GNAQ: variants seen among roughly 807,000 people sequenced by gnomAD.
GNAQ encodes G protein subunit alpha q.
In GNAQ, 8 loss-of-function variants were observed where a neutral mutation model predicts 43.9. That is an observed-to-expected ratio of 0.18 (90% confidence interval 0.11 to 0.33). GNAQ has a LOEUF of 0.33. Ranked by LOEUF, GNAQ falls within the 10% of genes least tolerant of loss-of-function variation. The probability of loss-of-function intolerance (pLI) is 1.00; values close to 1 mark genes in which losing one functional copy is unlikely to be tolerated. For synonymous variants in GNAQ, 155 were observed against 170.7 expected, an observed-to-expected ratio of 0.91 and a Z score of 0.71; for missense variants, 158 against 450.8, an observed-to-expected ratio of 0.35 and a Z score of 5.88.
intron 2 of GNAQ, among the ~76,000 whole-genome samples, chr9:77,865,442 A>G (rs1827932196): frequency 1.3e-5 from 2 of 152,250 alleles, no homozygotes; most frequent in South Asian, 4.1e-4. Flanking sequence ...ACTAGGTTAG[A>G]TATCAGCCTT....
At chr9:78,004,770 A>G (rs948179234) in intron 1 of GNAQ, among the ~76,000 whole-genome samples, 7 of 152,066 alleles carry the variant, frequency 4.6e-5, no homozygotes, top group Admixed American at 4.6e-4. Context: ...ACCATTTAAC[A>G]TGGGTTTTGA....
At chr9:77,730,289 T>G (rs1825467789) in intron 5 of GNAQ, among the ~76,000 whole-genome samples, 1 of 152,220 alleles carries the variant, frequency 6.6e-6, no homozygotes, top group Non-Finnish European at 1.5e-5. Flanking sequence ...CTGAATAGAC[T>G]GGCTATGAAC....
chr9:77,726,953 T>C (rs1374817849), intron 6 of GNAQ, among the ~76,000 whole-genome samples: 3 of 152,232 alleles, frequency 2.0e-5, no homozygotes, highest in Non-Finnish European at 4.4e-5. Flanking sequence ...TATCCAATTC[T>C]GCTGTTATGG....
At chr9:77,722,133 TTTC>T (rs1291959253) in intron 6 of GNAQ, among the ~76,000 whole-genome samples, 1 of 151,918 alleles carries the variant, frequency 6.6e-6, no homozygotes, top group African/African-American at 2.4e-5. Flanking sequence ...TGGTTTATAT[TTTC>T]TTTTCTTTTT....
At chr9:77,955,511 T>C (rs1823030856) in intron 1 of GNAQ, among the ~76,000 whole-genome samples, 1 of 152,216 alleles carries the variant, frequency 6.6e-6, no homozygotes, top group African/African-American at 2.4e-5. Context: ...TAAGCACTTT[T>C]TGTACATAAC....
intron 3 of GNAQ, among the ~76,000 whole-genome samples, chr9:77,804,831 T>G (rs968141252): frequency 1.3e-5 from 2 of 152,128 alleles, no homozygotes; most frequent in African/African-American, 4.8e-5. Flanking sequence ...TGGGTAGGTC[T>G]TCACATTTTT....
chr9:77,834,717 T>C (rs1365896785), intron 2 of GNAQ, among the ~76,000 whole-genome samples: 1 of 152,192 alleles, frequency 6.6e-6, no homozygotes, highest in Non-Finnish European at 1.5e-5. Flanking sequence ...AGAAAGGTAG[T>C]GACTTCTGAC....
rs1312444822 is a variant in GNAQ at position 77,900,680 on chromosome 9, A to C, written c.321+21481T>G. Among the ~76,000 whole-genome samples the C allele has an allele frequency of 2.0e-5, 3 of 152,198 alleles. No individual in the cohort carries two copies. In the East Asian group the frequency reaches 5.8e-4, roughly 29 times the overall value. ...AGTATTGGGATTACAGGTGTGTGCT[A>C]CCACACCTGGCTTCTCCATGCAGTT... On this transcript the variant is annotated intron_variant, in intron 2 of 6. Transcript: ENST00000286548.
intron 2 of GNAQ, among the ~76,000 whole-genome samples, chr9:77,894,354 G>T (rs375175150): frequency 5.1e-5 from 2 of 39,304 alleles, no homozygotes; most frequent in Non-Finnish European, 1.2e-4. Flanking sequence ...ATATTTAATA[G>T]AAAATATATA....
intron 1 of GNAQ, among the ~76,000 whole-genome samples, chr9:77,939,173 T>G (rs1829278629): frequency 6.6e-6 from 1 of 152,216 alleles, no homozygotes; most frequent in Admixed American, 6.5e-5. Context: ...GGATATGGAA[T>G]GAGGGGCAAG....
chr9:77,746,836 C>T (rs767392082), intron 5 of GNAQ, among the ~76,000 whole-genome samples: 4 of 152,048 alleles, frequency 2.6e-5, no homozygotes, highest in Admixed American at 6.5e-5. Flanking sequence ...TTTTGAGACA[C>T]GAAGACAATA....
chr9:78,026,231 T>C (rs1445746692), intron 1 of GNAQ, among the ~76,000 whole-genome samples: 2 of 152,228 alleles, frequency 1.3e-5, no homozygotes, highest in Admixed American at 6.5e-5. Context: ...ATTTGCCATA[T>C]GAAGAAATAG....
intron 5 of GNAQ, among the ~76,000 whole-genome samples, chr9:77,743,296 AAAC>A (rs1277092359): frequency 6.6e-6 from 1 of 151,860 alleles, no homozygotes; most frequent in African/African-American, 2.4e-5. Flanking sequence ...CAAAAAAAAC[AAAC>A]AACATCAGCA....
chr9:77,883,798 T>C (rs1183575176), intron 2 of GNAQ, among the ~76,000 whole-genome samples: 2 of 152,170 alleles, frequency 1.3e-5, no homozygotes. Context: ...CACCCTATCT[T>C]TGCTTCCTCC....
chr9:77,832,953 CT>C (rs1362748304), intron 2 of GNAQ, among the ~76,000 whole-genome samples: 1 of 152,006 alleles, frequency 6.6e-6, no homozygotes, highest in African/African-American at 2.4e-5. Flanking sequence ...AGGAAAGGCA[CT>C]TTATTTTTTA....
intron 2 of GNAQ, among the ~76,000 whole-genome samples, chr9:77,905,731 G>C (rs1828696099): frequency 6.6e-6 from 1 of 152,168 alleles, no homozygotes; most frequent in Non-Finnish European, 1.5e-5. Context: ...ATTCTTGAAA[G>C]AGTCCTTCAG....
intron 1 of GNAQ, among the ~76,000 whole-genome samples, chr9:78,018,040 T>C (rs1823860804): frequency 6.6e-6 from 1 of 152,134 alleles, no homozygotes; most frequent in East Asian, 1.9e-4. Context: ...TTTCATATCC[T>C]CAGACCTAGA....
At chr9:77,854,991 A>G (rs1319693394) in intron 2 of GNAQ, among the ~76,000 whole-genome samples, 2 of 152,204 alleles carry the variant, frequency 1.3e-5, no homozygotes, top group Non-Finnish European at 2.9e-5. Context: ...ATATTTAATA[A>G]AGCTCTGCAG....
chr9:77,904,962 G>T (rs908518509), intron 2 of GNAQ, among the ~76,000 whole-genome samples: 51 of 152,228 alleles, frequency 3.4e-4, no homozygotes, highest in Admixed American at 2.6e-4. Flanking sequence ...AAAATTTCTG[G>T]TTTGTCTGTA....
Sources: allele counts gnomAD v4.1 joint callset (sites outside exome capture counted in the v4.1 genomes callset), GRCh38; gene constraint gnomAD v4.1.1; transcripts MANE v1.5; gene names NCBI Gene and HGNC (gene_info 2026-07-23, HGNC 2026-07-21).